GNG7: variants seen among roughly 807,000 people sequenced by gnomAD.
The protein encoded by GNG7 is guanine nucleotide-binding protein G(I)/G(S)/G(O) subunit gamma-7.
Under a neutral mutation model 4.0 loss-of-function variants are expected in GNG7, and 1 was observed. That is an observed-to-expected ratio of 0.25 (90% CI 0.09 to 1.18). The LOEUF is 1.18. Among genes scored for constraint, GNG7 ranks in the 50% most tolerant of loss-of-function variants. GNG7 has a pLI of 0.50. For missense variants in GNG7, 86 were observed against 91.9 expected (o/e 0.94, Z 0.26); for synonymous variants, 34 against 36.9 (o/e 0.92, Z 0.29).
chr19:2,623,738 G>A (rs565918004), intron 2 of GNG7, among the ~76,000 whole-genome samples: 4 of 152,260 alleles, frequency 2.6e-5, no homozygotes, highest in South Asian at 2.1e-4. Context: ...AAAATTAGCC[G>A]GGCATAGTGG....
At chr19:2,600,762 C>A (rs920942608) in intron 2 of GNG7, among the ~76,000 whole-genome samples, 14 of 151,996 alleles carry the variant, frequency 9.2e-5, no homozygotes, top group African/African-American at 3.4e-4. Flanking sequence ...AGGTGTGAGC[C>A]ACAGTGCCTG....
chr19:2,526,545 T>C (rs1978402903), intron 3 of GNG7, among the ~76,000 whole-genome samples: 2 of 149,100 alleles, frequency 1.3e-5, no homozygotes, highest in African/African-American at 4.9e-5. Flanking sequence ...TCATTTATCA[T>C]GCATTTATTA....
At chr19:2,668,372 G>C (rs1983364636) in intron 1 of GNG7, among the ~76,000 whole-genome samples, 2 of 151,924 alleles carry the variant, frequency 1.3e-5, no homozygotes, top group African/African-American at 2.4e-5. Flanking sequence ...AAAGAAAGAC[G>C]CTAAAAACGG....
Position 2,557,998 on chromosome 19 carries a change from G to C in GNG7, c.-77-2810C>G, listed in dbSNP as rs189522434. ...CTGGGACTACAGGCACGGGCCACCA[G>C]GCCTGGGTAATTTTTTGTGTTTTTA... On this transcript the variant is annotated intron_variant, in intron 2 of 4. Transcript: ENST00000382159. The surrounding 1 kb of genome is among the most constrained non-coding windows in gnomAD (Gnocchi z 5.1). Among the ~76,000 whole-genome samples, 1 of 151,840 alleles carries C rather than the reference G, an allele frequency of 6.6e-6. No individual in the cohort carries two copies. Among genetic ancestry groups the C allele is most frequent in the African/African-American group, 2.4e-5 (1 of 41,398 alleles).
intron 1 of GNG7, among the ~76,000 whole-genome samples, chr19:2,652,787 G>A (rs1047077374): frequency 1.3e-5 from 2 of 151,876 alleles, no homozygotes; most frequent in East Asian, 1.9e-4. Context: ...ACCAGCTAAA[G>A]ATATTGTACT....
At chr19:2,608,182 A>C (rs1261637433) in intron 2 of GNG7, among the ~76,000 whole-genome samples, 1 of 152,076 alleles carries the variant, frequency 6.6e-6, no homozygotes, top group Non-Finnish European at 1.5e-5. Flanking sequence ...TTCACACCTA[A>C]AAGTCAGAAC....
chr19:2,651,552 C>G (rs1245836488), intron 1 of GNG7, among the ~76,000 whole-genome samples: 2 of 144,036 alleles, frequency 1.4e-5, no homozygotes, highest in Non-Finnish European at 3.0e-5. Context: ...TTTCTCTCTC[C>G]CTTTCTCTCT....
Position 2,624,577 on chromosome 19 carries a change from A to G in GNG7, c.-78+21647T>C, listed in dbSNP as rs145527098. Among the ~76,000 whole-genome samples, 1,356 of 152,114 alleles carry G rather than the reference A, an allele frequency of 8.9e-3. 22 individuals carry two copies. Among genetic ancestry groups the G allele is most frequent in the African/African-American group, 0.031 (1,275 of 41,514 alleles). On this transcript the variant is annotated intron_variant, in intron 2 of 4. Coordinates refer to ENST00000382159, the MANE Select transcript of GNG7 (RefSeq NM_052847.3). ...AGAAAAAAAGAAAAGAAAGAAAGAA[A>G]GGTGCTCCAGTGGCTCTCAGGCAGA...
chr19:2,664,801 C>T (rs1440524923), intron 1 of GNG7, among the ~76,000 whole-genome samples: 5 of 152,178 alleles, frequency 3.3e-5, no homozygotes, highest in Admixed American at 3.3e-4. Context: ...GGGTCATTCT[C>T]TAGGGTGCAG....
At chr19:2,599,065 G>T (rs8100700) in intron 2 of GNG7, among the ~76,000 whole-genome samples, 19,360 of 152,192 alleles carry the variant, frequency 0.13, 1,461 homozygotes, top group Admixed American at 0.17. Context: ...CCCCGCGCTC[G>T]GCTGGAAAAA....
At chr19:2,521,764 C>A (rs1312143135) in intron 3 of GNG7, among the ~76,000 whole-genome samples, 1 of 151,970 alleles carries the variant, frequency 6.6e-6, no homozygotes, top group East Asian at 1.9e-4. Context: ...CAGGCACGTG[C>A]CACCACACCC....
At chr19:2,638,482 GGGAAGGGGAGGGGAGGGGAAT>G (rs1480325420) in intron 2 of GNG7, among the ~76,000 whole-genome samples, 1 of 35,252 alleles carries the variant, frequency 2.8e-5, no homozygotes, top group African/African-American at 1.3e-4. Context: ...GGAAGGGGAG[GGGAAGGGGAGGGGAGGGGAAT>G]GGAAGGGGAG....
intron 3 of GNG7, among the ~76,000 whole-genome samples, chr19:2,534,857 G>C (rs1033105501): frequency 6.6e-6 from 1 of 152,198 alleles, no homozygotes; most frequent in Non-Finnish European, 1.5e-5. Context: ...TGCCAGGCAG[G>C]AGGAATTATC....
intron 3 of GNG7, among the ~76,000 whole-genome samples, chr19:2,553,575 T>C (rs532283408): frequency 1.1e-3 from 160 of 148,978 alleles, no homozygotes; most frequent in African/African-American, 3.4e-3. Flanking sequence ...TAATAAATCA[T>C]ATCACATACA....
At chr19:2,567,515 G>A (rs544954494) in intron 2 of GNG7, among the ~76,000 whole-genome samples, 2 of 152,132 alleles carry the variant, frequency 1.3e-5, no homozygotes, top group South Asian at 4.1e-4. Flanking sequence ...TTGTATAGAT[G>A]GGGTTTCGCC....
intron 2 of GNG7, among the ~76,000 whole-genome samples, chr19:2,638,426 A>AGG (rs1982377427): frequency 1.6e-5 from 1 of 62,478 alleles, no homozygotes; most frequent in Admixed American, 1.6e-4. Context: ...GGGGAAGGGG[A>AGG]AGGAGGGGAA....
rs1231712844 is a variant in GNG7, at chr19:2,617,863, T to A, written c.-78+28361A>T. Among the ~76,000 whole-genome samples the A allele has an allele frequency of 6.6e-6, 1 of 151,894 alleles. No homozygotes were observed. The highest frequency in any genetic ancestry group is 6.6e-5 in the Admixed American group (1 of 15,220). ...CCTCCAGAGCAGCTGGAACTACAGG[T>A]GTGCACCACCATGCCCGGCTAATTT... On this transcript the variant is annotated intron_variant, in intron 2 of 4. Coordinates refer to ENST00000382159, the MANE Select transcript of GNG7 (RefSeq NM_052847.3). The surrounding 1 kb of genome is among the most constrained non-coding windows in gnomAD (Gnocchi z 4.7).
intron 2 of GNG7, among the ~76,000 whole-genome samples, chr19:2,636,324 C>T (rs1982307075): frequency 1.3e-5 from 2 of 152,150 alleles, no homozygotes. Flanking sequence ...CCTCTGCCCG[C>T]CAGGACAATG....
chr19:2,539,159 T>C (rs1978858577), intron 3 of GNG7, among the ~76,000 whole-genome samples: 1 of 152,232 alleles, frequency 6.6e-6, no homozygotes, highest in African/African-American at 2.4e-5. Context: ...ATATATTGCA[T>C]GTTCCTGTAA....
Sources: allele counts gnomAD v4.1 joint callset (sites outside exome capture counted in the v4.1 genomes callset), GRCh38; gene constraint gnomAD v4.1.1; non-coding constraint Gnocchi (gnomAD v3.1); transcripts MANE v1.5; gene names NCBI Gene and HGNC (gene_info 2026-07-23, HGNC 2026-07-21).